FANCA: variants seen among roughly 807,000 people sequenced by gnomAD.
FANCA encodes the protein FA complementation group A.
In FANCA, 236 loss-of-function variants were observed where a neutral mutation model predicts 194.3. That is an observed-to-expected ratio of 1.21 (90% CI 1.09 to 1.35). The LOEUF is 1.35. Ranked by LOEUF, FANCA falls within the 40% of genes most tolerant of loss-of-function variation. The pLI is 0.00. For missense variants in FANCA, 2,628 were observed against 1,813.9 expected (o/e 1.45, Z -8.15); for synonymous variants, 1,014 against 715.8 (o/e 1.42, Z -6.65).
rs1045083620 is a variant in FANCA, at chr16:89,799,380, A to T, written c.827-148T>A. 9 of 1,011,610 alleles carry T rather than the reference A, an allele frequency of 8.9e-6. No homozygotes were observed. The South Asian group carries it at 1.1e-4, about 12-fold the overall frequency. 62.7% of individuals were successfully genotyped at this position (1,011,610 alleles called of 1,614,324 possible). ...AAGACTTCTACAATCTGTAGGCCTT[A>T]ATCAAAACACACAGACAAGAAAATG... On this transcript the variant is annotated intron_variant, in intron 9 of 42. Transcript: ENST00000389301.
chr16:89,787,516 T>C (rs576331335), intron 14 of FANCA, among the ~76,000 whole-genome samples: 10 of 151,872 alleles, frequency 6.6e-5, no homozygotes, highest in South Asian at 6.3e-4. Flanking sequence ...GCGAACTCCA[T>C]CTTAAAAAAA....
At chr16:89,800,899 G>A (rs2040423815) in intron 8 of FANCA, among the ~76,000 whole-genome samples, 1 of 151,908 alleles carries the variant, frequency 6.6e-6, no homozygotes, top group Admixed American at 6.6e-5. Context: ...TAGGTGCGGT[G>A]GCGGGTGTCT....
chr16:89,738,895 G>A lies in FANCA; in HGVS notation c.4247C>T (p.Ser1416Leu). ...TCTTGACGTTACCTCTGCCACGTGT[G>A]AGAAGCTCTTTTTCGGGCACCGAGG... is the stretch of plus-strand genomic sequence containing the variant. ...LIPRCPKKSFSHVAELLADRG... is the reference protein window; with the variant it reads ...LIPRCPKKSFLHVAELLADRG... Residue 1416 changes from serine to leucine, a missense_variant, in exon 42 of 43, where the codon TCA (serine) becomes TTA (leucine). Physicochemically the swap from Ser to Leu is moderately radical, Grantham distance 145 (BLOSUM62 -2). Coordinates refer to ENST00000389301, the MANE Select transcript of FANCA (RefSeq NM_000135.4). The A allele has an allele frequency of 6.2e-7, 1 of 1,614,256 alleles. No individual in the cohort carries two copies. The highest frequency in any genetic ancestry group is 1.1e-5 in the South Asian group (1 of 91,090).
chr16:89,750,334 T>A (rs922100153), intron 31 of FANCA, among the ~76,000 whole-genome samples: 3 of 151,656 alleles, frequency 2.0e-5, no homozygotes, highest in Non-Finnish European at 4.4e-5. Context: ...TACAAAAAAA[T>A]TAGCTGGGCA....
At chr16:89,799,337 A>C (rs983107123) in intron 9 of FANCA, 105 bp from the exon 10 acceptor site, 4 of 1,299,956 alleles carry the variant, frequency 3.1e-6, no homozygotes, top group Non-Finnish European at 4.4e-6. Context: ...TCAACCCCCC[A>C]GAGGGCCCAC....
rs779218902 is a variant in FANCA at position 89,814,534 on chromosome 16, G to A, written c.269C>T (p.Ser90Phe). 6.2e-7 allele frequency: 1 copy of A among 1,612,148 alleles called. No homozygotes were observed. Among genetic ancestry groups the A allele is most frequent in the South Asian group, 1.1e-5 (1 of 91,038 alleles). Residue 90 changes from serine (S) to phenylalanine (F), a missense_variant, in exon 3 of 43, where the codon TCT (serine) becomes TTT (phenylalanine). Ser to Phe is a radical substitution (Grantham distance 155). Coordinates refer to ENST00000389301, the MANE Select transcript of FANCA (RefSeq NM_000135.4). Reference sequence around the variant, plus strand: ...CTATAACTTACCTATAAATGAACTAGAATGATTAGCATAGGCCTCAGAACT... The same window carrying A: ...CTATAACTTACCTATAAATGAACTAAAATGATTAGCATAGGCCTCAGAACT... ...CDSSEAYANHSSSFIGSALQD... is the reference protein window; with the variant it reads ...CDSSEAYANHFSSFIGSALQD...
intron 3 of FANCA, among the ~76,000 whole-genome samples, chr16:89,811,940 T>C (rs934334706): frequency 6.6e-6 from 1 of 151,114 alleles, no homozygotes; most frequent in Non-Finnish European, 1.5e-5. Context: ...CTATGTTGGC[T>C]AGGCTCGTCT....
intron 28 of FANCA, 59 bp downstream of exon 28, chr16:89,764,831 C>T: frequency 1.3e-6 from 2 of 1,586,204 alleles, no homozygotes. Context: ...GCCCGAGGAG[C>T]ACACACAAAC....
chr16:89,741,205 T>C (rs2062125105), intron 37 of FANCA, among the ~76,000 whole-genome samples: 1 of 152,180 alleles, frequency 6.6e-6, no homozygotes, highest in South Asian at 2.1e-4. Flanking sequence ...GAAGTGTTTG[T>C]AAAATCCTTG....
At chr16:89,763,815 C>T (rs1408875556) in intron 28 of FANCA, among the ~76,000 whole-genome samples, 2 of 152,002 alleles carry the variant, frequency 1.3e-5, no homozygotes, top group East Asian at 1.9e-4. Context: ...CGCCTGTAGT[C>T]CCAGCTACTT....
At position 89,738,452 on chromosome 16, in the gene FANCA, C is replaced by T. The variant is rs1191520249; in HGVS notation, c.*149G>A. The T allele has an allele frequency of 1.4e-6, 2 of 1,399,446 alleles. No homozygotes were observed. The highest frequency in any genetic ancestry group is 2.5e-5 in the South Asian group (2 of 80,670). The allele number at this position is 1,399,446 out of a possible 1,614,324, so 86.7% of individuals were successfully genotyped here. The stretch of plus-strand genomic sequence containing the variant: ...CCCGCAAACGCTGAGTGACTCGGGG[C>T]CGGACAGTTCATAAATAATTGATTC... On this transcript the variant is annotated 3_prime_UTR_variant, in exon 43 of 43. Transcript: ENST00000389301.
At chr16:89,816,097 A>G (rs1389319973) in intron 1 of FANCA, 111 bp from the exon 2 acceptor site, 1 of 806,434 alleles carries the variant, frequency 1.2e-6, no homozygotes, top group African/African-American at 1.7e-5. Flanking sequence ...ACCCTCCCGA[A>G]GAGGGGCCGG....
chr16:89,794,526 ACT>A (rs752517922), intron 11 of FANCA, among the ~76,000 whole-genome samples: 37 of 152,036 alleles, frequency 2.4e-4, no homozygotes, highest in Non-Finnish European at 4.0e-4. Context: ...ACAGAGTAAG[ACT>A]CTGTCTCAAA....
At chr16:89,779,339 C>A (rs987451437) in intron 18 of FANCA, among the ~76,000 whole-genome samples, 48 of 152,178 alleles carry the variant, frequency 3.2e-4, no homozygotes, top group Non-Finnish European at 7.3e-5. Flanking sequence ...CTGCAATCAG[C>A]TCATCCACAT....
chr16:89,764,382 G>A (rs900384008), intron 28 of FANCA, among the ~76,000 whole-genome samples: 3 of 152,114 alleles, frequency 2.0e-5, no homozygotes, highest in Admixed American at 6.5e-5. Flanking sequence ...TTGGCTCACT[G>A]CAACCTCCAC....
At chr16:89,763,735 G>A (rs558506601) in intron 28 of FANCA, among the ~76,000 whole-genome samples, 120 of 151,346 alleles carry the variant, frequency 7.9e-4, no homozygotes, top group African/African-American at 2.8e-3. Context: ...TCAGGAGGTC[G>A]AGACCAGCCT....
rs2041019547 is a variant in FANCA at position 89,814,387 on chromosome 16, A to G, written c.283+133T>C. On this transcript the variant is annotated intron_variant, in intron 3 of 42. Coordinates refer to ENST00000389301, the MANE Select transcript of FANCA (RefSeq NM_000135.4). ...GCAAGTCACACAAACATCCCATAGA[A>G]TTTGCGACTACACACACCAGTGGAA... 4.9e-5 allele frequency: 31 copies of G among 630,948 alleles called. No individual in the cohort carries two copies. The South Asian group carries it at 5.0e-4, about 10-fold the overall frequency. 39.1% of individuals were successfully genotyped at this position (630,948 alleles called of 1,614,324 possible). A position where few individuals can be genotyped will look rare whatever the true frequency, so the allele number is the denominator to read the frequency against.
rs373998809 is a variant in FANCA, at chr16:89,742,801, T to G, written c.3764A>C (p.Glu1255Ala). ...CAGTAAAAGAATTTCCTATCTTGCC[T>G]CCTCTCTCTCGCAGTCCAGCTTCTT... The part of the protein sequence containing the change: ...QLKKLDCERE[E>A]LLVFLFFFSL... The change falls in exon 37 of 43, where the codon GAG becomes GCG. Residue 1255 changes from glutamate (E) to alanine (A), a missense_variant and splice_region_variant. Glu to Ala is a moderately radical substitution (Grantham distance 107, BLOSUM62 -1). Transcript: ENST00000389301. 2.2e-5 allele frequency: 36 copies of G among 1,613,454 alleles called. No individual in the cohort carries two copies. Among genetic ancestry groups the G allele is most frequent in the Non-Finnish European group, 3.0e-5 (35 of 1,179,726 alleles).
chr16:89,798,864 A>G, intron 10 of FANCA: 1 of 1,544,162 alleles, frequency 6.5e-7, no homozygotes, highest in Admixed American at 1.8e-5. Flanking sequence ...GCAAGGGGAG[A>G]CTCCACACAG....
Sources: gnomAD v4.1 joint callset for allele counts (sites outside exome capture counted in the v4.1 genomes callset) on GRCh38, gnomAD v4.1.1 for gene constraint, MANE v1.5 for transcripts, NCBI Gene and HGNC (gene_info 2026-07-23, HGNC 2026-07-21) for gene names.